The following KCNC2 variants were observed in gnomAD, a reference collection of about 807,000 sequenced individuals.
The protein encoded by KCNC2 is voltage-gated potassium channel KCNC2.
Under a neutral mutation model 44.5 loss-of-function variants are expected in KCNC2, and 21 were observed. The ratio of observed to expected loss-of-function variants is 0.47; its 90% CI spans 0.33 to 0.68. KCNC2 has a LOEUF of 0.68. Ranked by LOEUF, KCNC2 falls within the 30% of genes least tolerant of loss-of-function variation. The pLI is 0.01. For missense variants in KCNC2, 589 were observed against 826.2 expected (o/e 0.71, Z 3.52); for synonymous variants, 391 against 339.1 (o/e 1.15, Z -1.68).
At chr12:75,110,407 G>T (rs1160234548) in intron 2 of KCNC2, among the ~76,000 whole-genome samples, 3 of 152,150 alleles carry the variant, frequency 2.0e-5, no homozygotes, top group Non-Finnish European at 2.9e-5. Context: ...GAGGACTGTA[G>T]TCAAGAACCC....
Position 75,041,562 on chromosome 12 carries a change from C to G in KCNC2, c.*1543G>C, listed in dbSNP as rs1318525335. The G allele has an allele frequency of 9.0e-7, 1 of 1,109,274 alleles. No individual in the cohort carries two copies. Among genetic ancestry groups the G allele is most frequent in the East Asian group, 6.4e-5 (1 of 15,666 alleles). 68.7% of individuals were successfully genotyped at this position (1,109,274 alleles called of 1,614,324 possible). A position where few individuals can be genotyped will look rare whatever the true frequency, so the allele number is the denominator to read the frequency against. ...ATATTACGGTCTTTTTCTTCCCTCA[C>G]ATGCTCAATACATGAGACACGCTAT... On this transcript the variant is annotated 3_prime_UTR_variant, in exon 5 of 5. Coordinates refer to ENST00000549446, the MANE Select transcript of KCNC2 (RefSeq NM_139137.4).
chr12:75,056,949 T>C (rs911523331), intron 2 of KCNC2, among the ~76,000 whole-genome samples: 1 of 152,004 alleles, frequency 6.6e-6, no homozygotes, highest in African/African-American at 2.4e-5. Flanking sequence ...ACTATATTTT[T>C]AGGAGTGGTT....
chr12:75,134,254 A>C (rs1231030987), intron 2 of KCNC2, among the ~76,000 whole-genome samples: 1 of 151,986 alleles, frequency 6.6e-6, no homozygotes, highest in Non-Finnish European at 1.5e-5. Flanking sequence ...AAGCATAGTG[A>C]ACTGCCTATA....
chr12:75,044,121 A>AT (rs1405470959), intron 4 of KCNC2, among the ~76,000 whole-genome samples: 2 of 151,968 alleles, frequency 1.3e-5, no homozygotes, highest in African/African-American at 4.8e-5. Flanking sequence ...ATATTTGCAT[A>AT]TTTTAGTATT....
chr12:75,160,408 G>GA (rs1202508789), intron 2 of KCNC2, among the ~76,000 whole-genome samples: 4 of 151,540 alleles, frequency 2.6e-5, no homozygotes, highest in East Asian at 2.0e-4. Context: ...AATACAGTTA[G>GA]AAAAAAAAGT....
chr12:75,145,278 A>G (rs1287614232), intron 2 of KCNC2, among the ~76,000 whole-genome samples: 3 of 152,068 alleles, frequency 2.0e-5, no homozygotes, highest in Non-Finnish European at 4.4e-5. Flanking sequence ...GCTTCTTAAC[A>G]CTTCCCCATG....
chr12:75,138,086 A>C (rs1442144948), intron 2 of KCNC2, among the ~76,000 whole-genome samples: 1 of 152,208 alleles, frequency 6.6e-6, no homozygotes, highest in African/African-American at 2.4e-5. Flanking sequence ...CCTGGACATA[A>C]ACAGAATCCT....
intron 2 of KCNC2, among the ~76,000 whole-genome samples, chr12:75,116,163 C>A (rs1887646532): frequency 1.3e-5 from 2 of 152,054 alleles, no homozygotes; most frequent in African/African-American, 4.8e-5. Flanking sequence ...AAAGGGAGCA[C>A]AAAATGGTTC....
Position 75,051,063 on chromosome 12 carries a change from G to C in KCNC2, c.942C>G (p.Leu314=). 6.2e-7 allele frequency: 1 copy of C among 1,613,736 alleles called. No individual in the cohort carries two copies. The highest frequency in any genetic ancestry group is 1.3e-5 in the African/African-American group (1 of 74,982). ...SPNKLEFIKN[L]LNIIDFVAIL... ...TGGCCACAAAGTCAATGATATTCAA[G>C]AGATTTTTGATGAATTCAAGTTTAT... The change falls in exon 3 of 5, where the codon CTC becomes CTG. Residue 314 remains leucine (L), a synonymous_variant. Coordinates refer to ENST00000549446, the MANE Select transcript of KCNC2 (RefSeq NM_139137.4).
Position 75,050,990 on chromosome 12 carries a change from C to T in KCNC2, c.1015G>A (p.Ala339Thr), listed in dbSNP as rs529762229. 1 of 1,613,816 alleles carries T rather than the reference C, an allele frequency of 6.2e-7. No homozygotes were observed. Among genetic ancestry groups the T allele is most frequent in the East Asian group, 2.2e-5 (1 of 44,850 alleles). Reference protein sequence around the residue: ...EVGLSGLSSKAAKDVLGFLRV... With the variant: ...EVGLSGLSSKTAKDVLGFLRV... ...AGGAAGCCAAGCACATCTTTAGCAG[C>T]TTTGGATGACAGCCCACTGAGTCCC... The change falls in exon 3 of 5, where the codon GCT (alanine) becomes ACT (threonine). Residue 339 changes from alanine (A) to threonine (T), a missense_variant. Physicochemically the swap from Ala to Thr is moderately conservative, Grantham distance 58. Around this residue, in one of 7 missense-constraint regions of KCNC2, gnomAD observed 67 missense variants for 237.4 expected, o/e 0.28. Transcript: ENST00000549446.
chr12:75,159,161 C>A (rs1890957479), intron 2 of KCNC2, among the ~76,000 whole-genome samples: 1 of 151,508 alleles, frequency 6.6e-6, no homozygotes, highest in African/African-American at 2.4e-5. Context: ...GGAGAAATAT[C>A]TAATGTAGAT....
intron 2 of KCNC2, among the ~76,000 whole-genome samples, chr12:75,147,723 A>G (rs1890122863): frequency 6.6e-6 from 1 of 152,126 alleles, no homozygotes; most frequent in Non-Finnish European, 1.5e-5. Context: ...TATTTATGGA[A>G]AAAGACATGG....
chr12:75,108,898 T>G (rs973878240), intron 2 of KCNC2, among the ~76,000 whole-genome samples: 1 of 152,218 alleles, frequency 6.6e-6, no homozygotes, highest in African/African-American at 2.4e-5. Flanking sequence ...ACATTTGTGC[T>G]GGAAGGAAAA....
chr12:75,175,347 A>G (rs1892111825), intron 2 of KCNC2, among the ~76,000 whole-genome samples: 1 of 152,024 alleles, frequency 6.6e-6, no homozygotes, highest in Non-Finnish European at 1.5e-5. Flanking sequence ...AATGAGATAA[A>G]TATCATTAGG....
At position 75,182,536 on chromosome 12, in the gene KCNC2, A is replaced by C. The variant is rs1180344105; in HGVS notation, c.687+24761T>G. 2.4e-3 allele frequency among the ~76,000 whole-genome samples: 334 copies of C among 137,676 alleles called. 2 individuals are homozygous for C. Among genetic ancestry groups the C allele is most frequent in the African/African-American group, 8.2e-3 (320 of 38,872 alleles). The allele number at this position is 137,676 out of a possible 152,430, so 90.3% of individuals were successfully genotyped here. A position where few individuals can be genotyped will look rare whatever the true frequency, so the allele number is the denominator to read the frequency against. On this transcript the variant is annotated intron_variant, in intron 2 of 4. Transcript: ENST00000549446. ...ATTCCGTCTCAAAAAAAAAAAAAAA[A>C]ACAAAAAAAACAAAAAAAAACAAAC...
At position 75,208,006 on chromosome 12, in the gene KCNC2, G is replaced by A. The variant is rs758322680; in HGVS notation, c.-19-4C>T. 5 of 1,610,544 alleles carry A rather than the reference G, an allele frequency of 3.1e-6. No individual in the cohort carries two copies. Among genetic ancestry groups the A allele is most frequent in the Non-Finnish European group, 4.2e-6 (5 of 1,179,280 alleles). ...CATCTCTGTGACTCAGACATGACTA[G>A]GGGGAGGCAAACACAGCGCCGAGTT... is the stretch of plus-strand genomic sequence containing the variant. On this transcript the variant is annotated splice_polypyrimidine_tract_variant and splice_region_variant and intron_variant, in intron 1 of 4. Coordinates refer to ENST00000549446, the MANE Select transcript of KCNC2 (RefSeq NM_139137.4).
At position 75,198,669 on chromosome 12, in the gene KCNC2, C is replaced by T. The variant is rs1244716336; in HGVS notation, c.687+8628G>A. On this transcript the variant is annotated intron_variant, in intron 2 of 4. Coordinates refer to ENST00000549446, the MANE Select transcript of KCNC2 (RefSeq NM_139137.4). ...GCAATGATTATTATGCCATCATTTC[C>T]GGTACAATTATTATACAATATTCAC... Among the ~76,000 whole-genome samples the T allele has an allele frequency of 7.9e-5, 12 of 151,704 alleles. 1 individual carries two copies. Among genetic ancestry groups the T allele is most frequent in the South Asian group, 4.2e-4 (2 of 4,816 alleles).
At chr12:75,097,946 G>C (rs999247736) in intron 2 of KCNC2, among the ~76,000 whole-genome samples, 16 of 152,072 alleles carry the variant, frequency 1.1e-4, no homozygotes, top group African/African-American at 3.4e-4. Flanking sequence ...CAAGTTATGA[G>C]TTTGGTCAAA....
chr12:75,201,161 A>G (rs1019686867), intron 2 of KCNC2, among the ~76,000 whole-genome samples: 3 of 149,552 alleles, frequency 2.0e-5, no homozygotes, highest in Admixed American at 6.7e-5. Context: ...TTTTCAATGG[A>G]AACAGGAAGC....
Sources: gnomAD v4.1 joint callset for allele counts (sites outside exome capture counted in the v4.1 genomes callset) on GRCh38, gnomAD v4.1.1 for gene constraint, gnomAD v4.1.1 regional missense constraint, MANE v1.5 for transcripts, NCBI Gene and HGNC (gene_info 2026-07-23, HGNC 2026-07-21) for gene names.